The following CDC5L variants were observed in gnomAD, a reference collection of about 807,000 sequenced individuals.
CDC5L encodes the protein cell division cycle 5-like protein.
CDC5L carries 18 observed loss-of-function variants against 104.1 expected under a neutral mutation model. The ratio of observed to expected loss-of-function variants is 0.17; its 90% CI spans 0.12 to 0.26. The LOEUF (loss-of-function observed/expected upper bound fraction) is 0.26. Among genes scored for constraint, CDC5L ranks in the 10% least tolerant of loss-of-function variants. The pLI, the probability that CDC5L is intolerant of heterozygous loss-of-function variation, is 1.00. For synonymous variants in CDC5L, 331 were observed against 322.7 expected (o/e 1.03, Z -0.28); for missense variants, 673 against 956.9 (o/e 0.70, Z 3.91).
intron 4 of CDC5L, among the ~76,000 whole-genome samples, chr6:44,395,449 C>G (rs2153375030): frequency 6.6e-6 from 1 of 152,346 alleles, no homozygotes; most frequent in East Asian, 1.9e-4. Flanking sequence ...TGACCTTAGA[C>G]AAGTCATAAA....
chr6:44,401,887 G>A (rs536447598), intron 5 of CDC5L, among the ~76,000 whole-genome samples: 2 of 143,062 alleles, frequency 1.4e-5, no homozygotes, highest in Admixed American at 7.1e-5. Flanking sequence ...TCCCACCTAT[G>A]AGTGAGAATA....
chr6:44,406,299 C>G, intron 6 of CDC5L, 24 bp from the exon 7 acceptor site: 1 of 1,556,848 alleles, frequency 6.4e-7, no homozygotes, highest in Non-Finnish European at 8.7e-7. Flanking sequence ...TTAAAAATCT[C>G]TTTTCTACTT....
chr6:44,399,142 G>A (rs1321976248), intron 5 of CDC5L, among the ~76,000 whole-genome samples: 5 of 152,096 alleles, frequency 3.3e-5, no homozygotes, highest in African/African-American at 9.7e-5. Flanking sequence ...TTGTTGAGAC[G>A]GAGTCTCGCT....
chr6:44,406,268 A>G, intron 6 of CDC5L, 55 bp from the exon 7 acceptor site: 1 of 1,286,492 alleles, frequency 7.8e-7, no homozygotes, highest in Non-Finnish European at 1.1e-6. Context: ...ATGGATTTTA[A>G]TGTTTTTGGC....
At chr6:44,433,310 A>T (rs1792774383) in intron 14 of CDC5L, among the ~76,000 whole-genome samples, 1 of 152,184 alleles carries the variant, frequency 6.6e-6, no homozygotes, top group Non-Finnish European at 1.5e-5. Flanking sequence ...TCGTTTTCTG[A>T]TGATGCCAGA....
At chr6:44,397,228 A>G (rs1326388278) in intron 5 of CDC5L, among the ~76,000 whole-genome samples, 1 of 152,240 alleles carries the variant, frequency 6.6e-6, no homozygotes, top group African/African-American at 2.4e-5. Flanking sequence ...TTCACTTGGA[A>G]GAGTCCCAGG....
intron 2 of CDC5L, among the ~76,000 whole-genome samples, chr6:44,391,543 C>A (rs1313323969): frequency 6.6e-6 from 1 of 152,098 alleles, no homozygotes; most frequent in Non-Finnish European, 1.5e-5. Flanking sequence ...CCACCGCGCC[C>A]GGCTGGTGTC....
intron 4 of CDC5L, among the ~76,000 whole-genome samples, chr6:44,393,940 A>G (rs1231301961): frequency 6.6e-6 from 1 of 152,230 alleles, no homozygotes; most frequent in Non-Finnish European, 1.5e-5. Context: ...TGTTGAGATT[A>G]TAGGTGTGAG....
intron 14 of CDC5L, among the ~76,000 whole-genome samples, chr6:44,441,929 G>GTTTTTTTTT (rs1185055855): frequency 9.9e-5 from 11 of 110,656 alleles, no homozygotes; most frequent in South Asian, 3.3e-4. Flanking sequence ...GTAAGGTCTT[G>GTTTTTTTTT]TTCTTTTTTT....
rs902379176 is a variant in CDC5L at position 44,429,074 on chromosome 6, T to C, written c.1894-639T>C. Among the ~76,000 whole-genome samples the C allele has an allele frequency of 2.8e-5, 4 of 140,600 alleles. No homozygotes were observed. The East Asian group carries it at 6.4e-4, about 22-fold the overall frequency. The allele number at this position is 140,600 out of a possible 152,430, so 92.2% of individuals were successfully genotyped here. On this transcript the variant is annotated intron_variant, in intron 13 of 15. Transcript: ENST00000371477. Reference sequence around the variant, plus strand: ...TCTCACTCTGTTGCACAGGCTGGGGTGCAGTGGCACGATCCCAGCTCACTG... The same window carrying C: ...TCTCACTCTGTTGCACAGGCTGGGGCGCAGTGGCACGATCCCAGCTCACTG...
At chr6:44,404,830 G>A (rs949976205) in intron 6 of CDC5L, among the ~76,000 whole-genome samples, 2 of 152,056 alleles carry the variant, frequency 1.3e-5, no homozygotes, top group African/African-American at 4.8e-5. Context: ...GTAGCTGGGA[G>A]TACAGATGTG....
intron 14 of CDC5L, among the ~76,000 whole-genome samples, chr6:44,444,329 C>G (rs1326433549): frequency 4.6e-5 from 7 of 152,150 alleles, no homozygotes; most frequent in African/African-American, 7.2e-5. Flanking sequence ...TAGGGAGATT[C>G]AGGAATGCAA....
intron 10 of CDC5L, 89 bp downstream of exon 10, chr6:44,422,898 A>T (rs896436401): frequency 1.9e-5 from 14 of 739,762 alleles, no homozygotes; most frequent in Non-Finnish European, 2.9e-5. Flanking sequence ...AGTGCATATC[A>T]CATATACCTT....
At chr6:44,420,701 C>T (rs11571992) in intron 9 of CDC5L, among the ~76,000 whole-genome samples, 3,687 of 152,178 alleles carry the variant, frequency 0.024, 153 homozygotes, top group African/African-American at 0.083. Context: ...TCAAAGGAAA[C>T]GCTCATTGAA....
chr6:44,429,810 G>A lies in CDC5L; in HGVS notation c.1991G>A (p.Cys664Tyr). 1 of 1,614,052 alleles carries A rather than the reference G, an allele frequency of 6.2e-7. No homozygotes were observed. Among genetic ancestry groups the A allele is most frequent in the Non-Finnish European group, 8.5e-7 (1 of 1,179,924 alleles). Residue 664 changes from cysteine to tyrosine, a missense_variant, in exon 14 of 16, where the codon TGC becomes TAC. Physicochemically the swap from Cys to Tyr is radical, Grantham distance 194. This residue lies in a region of CDC5L where 578 missense variants were observed against 737.0 expected (regional missense o/e 0.78). Transcript: ENST00000371477. ...SEAYNQVWEE[C>Y]YSQVLYLPGQ... ...GCTTATAACCAGGTGTGGGAAGAAT[G>A]CTACAGTCAAGTTTTATATCTTCCT... is the stretch of plus-strand genomic sequence containing the variant.
At position 44,445,772 on chromosome 6, in the gene CDC5L, G is replaced by T. The variant is rs750389234; in HGVS notation, c.2209G>T (p.Asp737Tyr). ...TATGGGGCTCATGAAACAGTTGAAT[G>T]ACTTATGGGACCAAATTGAACAGGC... ...RAMGLMKQLN[D>Y]LWDQIEQAHL... is the part of the protein sequence containing the mutation. Residue 737 changes from aspartate (D) to tyrosine (Y), a missense_variant, in exon 15 of 16, where the codon GAC becomes TAC. By Grantham distance (160) the Asp-to-Tyr change is radical. Around this residue, in one of 4 missense-constraint regions of CDC5L, gnomAD observed 578 missense variants for 737.0 expected, o/e 0.78. Coordinates refer to ENST00000371477, the MANE Select transcript of CDC5L (RefSeq NM_001253.4). 6.2e-7 allele frequency: 1 copy of T among 1,614,054 alleles called. No homozygotes were observed.
chr6:44,403,675 T>G, intron 5 of CDC5L, 134 bp from the exon 6 acceptor site: 1 of 638,234 alleles, frequency 1.6e-6, no homozygotes, highest in South Asian at 2.1e-5. Flanking sequence ...TTTGTTTTGG[T>G]GAATGGTGTG....
chr6:44,387,900 G>A (rs1471057100), intron 1 of CDC5L, 32 bp downstream of exon 1: 3 of 1,552,450 alleles, frequency 1.9e-6, no homozygotes, highest in East Asian at 4.9e-5. Context: ...TCCGCTGCCC[G>A]CCGCTCCCTC....
chr6:44,402,871 GTA>G (rs1791194281), intron 5 of CDC5L, among the ~76,000 whole-genome samples: 1 of 152,126 alleles, frequency 6.6e-6, no homozygotes, highest in African/African-American at 2.4e-5. Flanking sequence ...GTAAATGTCT[GTA>G]TAATATCTTA....
Sources: allele counts gnomAD v4.1 joint callset (sites outside exome capture counted in the v4.1 genomes callset), GRCh38; gene constraint gnomAD v4.1.1; regional missense constraint gnomAD v4.1.1; transcripts MANE v1.5; gene names NCBI Gene and HGNC (gene_info 2026-07-23, HGNC 2026-07-21).